The following EEF1A2 variants were observed in gnomAD, a reference collection of about 807,000 sequenced individuals.
EEF1A2 encodes the protein elongation factor 1-alpha 2.
Under a neutral mutation model 39.3 loss-of-function variants are expected in EEF1A2, and 5 were observed. The ratio of observed to expected loss-of-function variants is 0.13; its 90% confidence interval spans 0.07 to 0.27. The LOEUF is 0.27. Ranked by LOEUF, EEF1A2 falls within the 10% of genes least tolerant of loss-of-function variation. EEF1A2 has a pLI of 1.00. For synonymous variants in EEF1A2, 287 were observed against 293.7 expected (o/e 0.98, Z 0.23); for missense variants, 218 against 681.4 (o/e 0.32, Z 7.57).
In EEF1A2 at chr20:63,497,515, G is replaced by A. The variant is rs2082423910; in HGVS notation, c.144+105C>T. On this transcript the variant is annotated intron_variant, in intron 2 of 7. Transcript: ENST00000217182. This position sits in a 1 kb window ranked among gnomAD's most constrained non-coding sequence, Gnocchi z 7.3. ...GGGGGTCCCTCCTGCCCTGGAGGAG[G>A]TCACCTGAGCCCCATGCCCTGGGGC... The A allele has an allele frequency of 1.0e-5, 15 of 1,506,030 alleles. No homozygotes were observed. Among genetic ancestry groups the A allele is most frequent in the African/African-American group, 1.4e-5 (1 of 71,388 alleles). The allele number at this position is 1,506,030 out of a possible 1,614,324, so 93.3% of individuals were successfully genotyped here.
intron 4 of EEF1A2, among the ~76,000 whole-genome samples, chr20:63,494,023 T>C (rs1295677257): frequency 6.6e-6 from 1 of 152,226 alleles, no homozygotes; most frequent in Non-Finnish European, 1.5e-5. Flanking sequence ...CCTCGTGAGA[T>C]GGAGGCGGAG....
Position 63,497,734 on chromosome 20 carries a change from G to A in EEF1A2, c.30C>T (p.Ile10=), listed in dbSNP as rs376374917. The A allele has an allele frequency of 8.6e-5, 139 of 1,612,972 alleles. No individual in the cohort carries two copies. The highest frequency in any genetic ancestry group is 5.6e-4 in the African/African-American group (42 of 75,022). The change falls in exon 2 of 8, where the codon ATC becomes ATT. Residue 10 remains isoleucine (I), a synonymous_variant. Coordinates refer to ENST00000217182, the MANE Select transcript of EEF1A2 (RefSeq NM_001958.5). This position sits in a 1 kb window ranked among gnomAD's most constrained non-coding sequence, Gnocchi z 7.3. The stretch of plus-strand genomic sequence containing the variant: ...CGGAGTCCACGTGGCCGATGACCAC[G>A]ATGTTGATGTGGGTCTTCTCCTTGC... The part of the protein sequence containing the change: MGKEKTHIN[I]VVIGHVDSGK...
Position 63,499,065 on chromosome 20 carries a change from C to G in EEF1A2, c.-79G>C, listed in dbSNP as rs2082432007. 1 of 144,970 alleles carries G rather than the reference C, an allele frequency of 6.9e-6. No homozygotes were observed. Among genetic ancestry groups the G allele is most frequent in the Admixed American group, 6.8e-5 (1 of 14,774 alleles). 9.0% of individuals were successfully genotyped at this position (144,970 alleles called of 1,614,324 possible). A position where few individuals can be genotyped will look rare whatever the true frequency, so the allele number is the denominator to read the frequency against. Reference sequence around the variant, plus strand: ...GGGGCCGAGCGTCCTTACCCGGAGCCGAGGTCTCAGCCAGAGGGACTGGCG... The same window carrying G: ...GGGGCCGAGCGTCCTTACCCGGAGCGGAGGTCTCAGCCAGAGGGACTGGCG... On this transcript the variant is annotated 5_prime_UTR_variant, in exon 1 of 8. Coordinates refer to ENST00000217182, the MANE Select transcript of EEF1A2 (RefSeq NM_001958.5).
At chr20:63,489,372 A>AAGGGGAAGGGGC (rs2082367992) in intron 6 of EEF1A2, among the ~76,000 whole-genome samples, 1 of 152,180 alleles carries the variant, frequency 6.6e-6, no homozygotes, top group African/African-American at 2.4e-5. Context: ...CATTGTTTCG[A>AAGGGGAAGGGGC]AGGGGCAGGG....
Position 63,497,728 on chromosome 20 carries a change from G to T in EEF1A2, c.36C>A (p.Val12=). Residue 12 remains valine (V), a synonymous_variant, in exon 2 of 8, where the codon GTC becomes GTA. Coordinates refer to ENST00000217182, the MANE Select transcript of EEF1A2 (RefSeq NM_001958.5). This position sits in a 1 kb window ranked among gnomAD's most constrained non-coding sequence, Gnocchi z 7.3. ...GKEKTHINIV[V]IGHVDSGKST... is the part of the protein sequence containing the mutation. ...ACTTTCCGGAGTCCACGTGGCCGATGACCACGATGTTGATGTGGGTCTTCT... is the reference window on the plus strand; with the variant it reads ...ACTTTCCGGAGTCCACGTGGCCGATTACCACGATGTTGATGTGGGTCTTCT... 1 of 1,613,052 alleles carries T rather than the reference G, an allele frequency of 6.2e-7. No individual in the cohort carries two copies. The highest frequency in any genetic ancestry group is 1.1e-5 in the South Asian group (1 of 91,034).
rs371069197 is a variant in EEF1A2, at chr20:63,494,886, C to T, written c.540G>A (p.Lys180=). 2 of 1,612,634 alleles carry T rather than the reference C, an allele frequency of 1.2e-6. No individual in the cohort carries two copies. The highest frequency in any genetic ancestry group is 1.3e-5 in the African/African-American group (1 of 74,938). ...IVKEVSAYIK[K]IGYNPATVPF... is the part of the protein sequence containing the mutation. ...GCACGGTGGCCGGGTTGTAGCCGAT[C>T]TTCTTGATGTAGGCGCTGACTTCCT... The change falls in exon 4 of 8, where the codon AAG becomes AAA. Residue 180 remains lysine, a synonymous_variant. Coordinates refer to ENST00000217182, the MANE Select transcript of EEF1A2 (RefSeq NM_001958.5).
intron 2 of EEF1A2, chr20:63,496,253 T>G: frequency 1.7e-6 from 1 of 589,658 alleles, no homozygotes. Flanking sequence ...TGCTCCGAAA[T>G]GGGCGCGGCT....
Position 63,497,855 on chromosome 20 carries a change from G to A in EEF1A2, c.-71-21C>T, listed in dbSNP as rs1448617796. On this transcript the variant is annotated intron_variant, in intron 1 of 7. Coordinates refer to ENST00000217182, the MANE Select transcript of EEF1A2 (RefSeq NM_001958.5). The surrounding 1 kb of genome is among the most constrained non-coding windows in gnomAD (Gnocchi z 7.3). ...TGATTCTGTGGGGCCAGTGGTGGTG[G>A]GGAGACCGGTGATGGGGAGCCCCAG... 1 of 1,518,330 alleles carries A rather than the reference G, an allele frequency of 6.6e-7. No individual in the cohort carries two copies. The highest frequency in any genetic ancestry group is 8.9e-7 in the Non-Finnish European group (1 of 1,125,998). 94.1% of individuals were successfully genotyped at this position (1,518,330 alleles called of 1,614,324 possible).
rs375654266 is a variant in EEF1A2 at position 63,489,616 on chromosome 20, C to T, written c.1030-464G>A. Among the ~76,000 whole-genome samples the T allele has an allele frequency of 4.6e-5, 7 of 152,224 alleles. No homozygotes were observed. The South Asian group carries it at 1.5e-3, about 32-fold the overall frequency. On this transcript the variant is annotated intron_variant, in intron 6 of 7. Coordinates refer to ENST00000217182, the MANE Select transcript of EEF1A2 (RefSeq NM_001958.5). ...TGGCCAACATGGTGAAACCCCGTATCTACTAATAATACAAAAATTAGCCAG... is the reference window on the plus strand; with the variant it reads ...TGGCCAACATGGTGAAACCCCGTATTTACTAATAATACAAAAATTAGCCAG...
intron 5 of EEF1A2, among the ~76,000 whole-genome samples, chr20:63,491,189 TCCCTGCTCCCTGCAGG>T (rs977685187): frequency 4.4e-5 from 3 of 67,566 alleles, no homozygotes; most frequent in African/African-American, 3.0e-4. Context: ...GTGGCCCTGC[TCCCTGCTCCCTGCAGG>T]CCCTGCTCCC....
intron 6 of EEF1A2, 55 bp downstream of exon 6, chr20:63,490,424 A>G (rs2082373254): frequency 1.9e-6 from 3 of 1,571,120 alleles, no homozygotes; most frequent in Non-Finnish European, 1.7e-6. Flanking sequence ...CACCCAGGAC[A>G]GTCCTGCTGC....
At chr20:63,489,732 G>A (rs560463187) in intron 6 of EEF1A2, among the ~76,000 whole-genome samples, 13 of 152,068 alleles carry the variant, frequency 8.5e-5, no homozygotes, top group Non-Finnish European at 1.5e-4. Context: ...GCAGTGAGCC[G>A]AGATCGCACC....
intron 5 of EEF1A2, among the ~76,000 whole-genome samples, chr20:63,491,818 A>G (rs1376908233): frequency 2.8e-5 from 4 of 143,530 alleles, no homozygotes; most frequent in Non-Finnish European, 4.5e-5. Context: ...GGATGGACAG[A>G]AGGATGGATG....
rs1281579175 is a variant in EEF1A2 at position 63,497,617 on chromosome 20, C to T, written c.144+3G>A. ...GGCCAAGACCATAGCCTGGGGAGCTCACCTCAGCCGCCTCCTTCTCGAACT... is the reference window on the plus strand; with the variant it reads ...GGCCAAGACCATAGCCTGGGGAGCTTACCTCAGCCGCCTCCTTCTCGAACT... On this transcript the variant is annotated splice_donor_region_variant and intron_variant, in intron 2 of 7. Transcript: ENST00000217182. The surrounding 1 kb of genome is among the most constrained non-coding windows in gnomAD (Gnocchi z 7.3). 2 of 1,611,354 alleles carry T rather than the reference C, an allele frequency of 1.2e-6. No individual in the cohort carries two copies. Among genetic ancestry groups the T allele is most frequent in the Non-Finnish European group, 1.7e-6 (2 of 1,178,864 alleles).
intron 5 of EEF1A2, among the ~76,000 whole-genome samples, chr20:63,492,581 GATGGATGGATGC>G (rs2082393387): frequency 6.7e-6 from 1 of 148,328 alleles, no homozygotes; most frequent in Non-Finnish European, 1.5e-5. Context: ...TGGGACAATG[GATGGATGGATGC>G]ATGGATGGAT....
rs1293965736 is a variant in EEF1A2 at position 63,490,511 on chromosome 20, G to A, written c.997C>T (p.Pro333Ser). The A allele has an allele frequency of 1.9e-6, 3 of 1,612,298 alleles. No homozygotes were observed. The highest frequency in any genetic ancestry group is 1.7e-6 in the Non-Finnish European group (2 of 1,179,608). The change falls in exon 6 of 8, where the codon CCG (proline) becomes TCG (serine). Residue 333 changes from proline to serine, a missense_variant. Coordinates refer to ENST00000217182, the MANE Select transcript of EEF1A2 (RefSeq NM_001958.5). ...GTGAACTGAGCAGCCTCCTGCGGCG[G>A]GTCAGACTTGCTGTCCCCACACACG... ...GNVCGDSKSD[P>S]PQEAAQFTSQ...
At chr20:63,488,801 C>T in intron 7 of EEF1A2, 117 bp downstream of exon 7, 3 of 1,153,094 alleles carry the variant, frequency 2.6e-6, no homozygotes, top group Non-Finnish European at 3.6e-6. Context: ...CTGGGCCAAG[C>T]TCCGCAGGAA....
Position 63,499,046 on chromosome 20 carries a change from G to C in EEF1A2, c.-72+12C>G, listed in dbSNP as rs956577829. On this transcript the variant is annotated intron_variant, in intron 1 of 7. Coordinates refer to ENST00000217182, the MANE Select transcript of EEF1A2 (RefSeq NM_001958.5). ...GGGCGGGGGCGGAGGCCCGGGGGCCGAGCGTCCTTACCCGGAGCCGAGGTC... is the reference window on the plus strand; with the variant it reads ...GGGCGGGGGCGGAGGCCCGGGGGCCCAGCGTCCTTACCCGGAGCCGAGGTC... The C allele has an allele frequency of 6.8e-6, 1 of 147,664 alleles. No individual in the cohort carries two copies. The highest frequency in any genetic ancestry group is 2.5e-5 in the African/African-American group (1 of 40,392). 9.1% of individuals were successfully genotyped at this position (147,664 alleles called of 1,614,324 possible).
chr20:63,491,964 GGATGGA>G (rs1568995696), intron 5 of EEF1A2, among the ~76,000 whole-genome samples: 14 of 59,742 alleles, frequency 2.3e-4, no homozygotes, highest in Non-Finnish European at 4.5e-4. Context: ...GGAGGTGGAT[GGATGGA>G]TGGATGGATG....
Sources: gnomAD v4.1 joint callset for allele counts (sites outside exome capture counted in the v4.1 genomes callset) on GRCh38, gnomAD v4.1.1 for gene constraint, Gnocchi (gnomAD v3.1) non-coding constraint, MANE v1.5 for transcripts, NCBI Gene and HGNC (gene_info 2026-07-23, HGNC 2026-07-21) for gene names.